GABRG3: variants seen among roughly 807,000 people sequenced by gnomAD.
GABRG3 encodes gamma-aminobutyric acid type A receptor subunit gamma3.
GABRG3 carries 25 observed loss-of-function variants against 48.8 expected under a neutral mutation model. The ratio of observed to expected loss-of-function variants is 0.51; its 90% CI spans 0.37 to 0.72. The LOEUF is 0.72. GABRG3 is among the 30% of genes least tolerant of loss of function. The pLI is 0.00. For missense variants in GABRG3, 394 were observed against 577.9 expected (o/e 0.68, Z 3.26); for synonymous variants, 227 against 217.6 (o/e 1.04, Z -0.38).
At chr15:27,300,830 G>C (rs985010682) in intron 3 of GABRG3, among the ~76,000 whole-genome samples, 1 of 151,962 alleles carries the variant, frequency 6.6e-6, no homozygotes, top group Non-Finnish European at 1.5e-5. Flanking sequence ...TGCTGGGCAC[G>C]GTGGCTCACG....
intron 3 of GABRG3, among the ~76,000 whole-genome samples, chr15:27,144,268 C>T (rs943446283): frequency 2.0e-5 from 3 of 152,174 alleles, no homozygotes; most frequent in Non-Finnish European, 4.4e-5. Context: ...CTCCCCAGCT[C>T]TGAGATATCC....
At chr15:27,271,695 G>A (rs536579405) in intron 3 of GABRG3, 13 of 448,960 alleles carry the variant, frequency 2.9e-5, no homozygotes, top group Admixed American at 1.9e-4. Context: ...GTGTGTGGTG[G>A]CTGGCACAGC....
intron 5 of GABRG3, among the ~76,000 whole-genome samples, chr15:27,358,426 G>C (rs890337016): frequency 3.3e-5 from 5 of 152,072 alleles, no homozygotes; most frequent in Non-Finnish European, 7.4e-5. Context: ...TCTAAGAAAC[G>C]TTATTCCTAT....
At chr15:27,315,692 G>C (rs1023226171) in intron 3 of GABRG3, among the ~76,000 whole-genome samples, 4 of 152,066 alleles carry the variant, frequency 2.6e-5, no homozygotes, top group African/African-American at 9.7e-5. Context: ...ATGAAATCTT[G>C]CACTTTAAAA....
intron 3 of GABRG3, among the ~76,000 whole-genome samples, chr15:27,052,214 T>C (rs1337411120): frequency 6.6e-6 from 1 of 152,112 alleles, no homozygotes; most frequent in Non-Finnish European, 1.5e-5. Context: ...CCCCATGAAA[T>C]TTCTGGTGGG....
intron 4 of GABRG3, 64 bp downstream of exon 4, chr15:27,327,093 T>G: frequency 7.3e-7 from 1 of 1,369,278 alleles, no homozygotes; most frequent in Non-Finnish European, 1.0e-6. Flanking sequence ...TTTGAATCAC[T>G]GTAGGAATGA....
intron 2 of GABRG3, among the ~76,000 whole-genome samples, chr15:27,003,866 C>A (rs1895513968): frequency 7.0e-6 from 1 of 142,558 alleles, no homozygotes; most frequent in African/African-American, 2.6e-5. Flanking sequence ...GACCCCCCCA[C>A]CTCCCTCCCA....
intron 3 of GABRG3, among the ~76,000 whole-genome samples, chr15:27,209,411 A>G (rs932461554): frequency 7.3e-6 from 1 of 136,072 alleles, no homozygotes; most frequent in Admixed American, 7.8e-5. Context: ...TTTTTTTGAG[A>G]TGGACTCTTC....
intron 3 of GABRG3, among the ~76,000 whole-genome samples, chr15:27,109,836 C>G (rs775731359): frequency 5.9e-5 from 9 of 152,082 alleles, no homozygotes; most frequent in Admixed American, 1.3e-4. Flanking sequence ...GAGTGGAGAT[C>G]GCGCCACTGC....
chr15:27,517,348 G>A (rs1316933600), intron 6 of GABRG3, among the ~76,000 whole-genome samples: 1 of 152,172 alleles, frequency 6.6e-6, no homozygotes, highest in Non-Finnish European at 1.5e-5. Flanking sequence ...GACTTTCACT[G>A]GTGCTACTGC....
chr15:27,341,085 C>A, intron 5 of GABRG3: 1 of 393,030 alleles, frequency 2.5e-6, no homozygotes, highest in Non-Finnish European at 5.1e-6. Flanking sequence ...GCCAGGTCAG[C>A]AACTCTTCCG....
At chr15:27,367,306 A>T (rs1895240749) in intron 5 of GABRG3, among the ~76,000 whole-genome samples, 1 of 152,168 alleles carries the variant, frequency 6.6e-6, no homozygotes, top group African/African-American at 2.4e-5. Flanking sequence ...CTCCTCCTTC[A>T]TCCCTAGGCC....
At chr15:27,445,852 T>G (rs1888928217) in intron 5 of GABRG3, among the ~76,000 whole-genome samples, 1 of 152,222 alleles carries the variant, frequency 6.6e-6, no homozygotes, top group African/African-American at 2.4e-5. Context: ...TTTCATTCTT[T>G]TTAGCATGTG....
At chr15:27,392,962 A>G (rs1364658235) in intron 5 of GABRG3, among the ~76,000 whole-genome samples, 2 of 152,170 alleles carry the variant, frequency 1.3e-5, no homozygotes, top group African/African-American at 2.4e-5. Context: ...ATTTCAAGAT[A>G]TTCCACACTT....
At chr15:27,441,079 G>A (rs1888769591) in intron 5 of GABRG3, among the ~76,000 whole-genome samples, 1 of 152,084 alleles carries the variant, frequency 6.6e-6, no homozygotes. Flanking sequence ...AAAGATCAAG[G>A]GGTTGTTGTT....
At chr15:27,247,923 G>T (rs1228113346) in intron 3 of GABRG3, among the ~76,000 whole-genome samples, 2 of 152,196 alleles carry the variant, frequency 1.3e-5, no homozygotes, top group Non-Finnish European at 2.9e-5. Context: ...AATTATGGGA[G>T]CCACAATTGA....
At chr15:27,038,732 G>A (rs1313980838) in intron 3 of GABRG3, among the ~76,000 whole-genome samples, 1 of 152,216 alleles carries the variant, frequency 6.6e-6, no homozygotes, top group Non-Finnish European at 1.5e-5. Flanking sequence ...AGGGGTGCAG[G>A]GAGCCCCGCC....
At chr15:27,267,742 G>C (rs1890965604) in intron 3 of GABRG3, among the ~76,000 whole-genome samples, 1 of 152,122 alleles carries the variant, frequency 6.6e-6, no homozygotes, top group Admixed American at 6.5e-5. Flanking sequence ...CACAAAAATA[G>C]ATGAATTTTG....
At chr15:27,150,328 T>C (rs1324593894) in intron 3 of GABRG3, among the ~76,000 whole-genome samples, 1 of 152,236 alleles carries the variant, frequency 6.6e-6, no homozygotes, top group Non-Finnish European at 1.5e-5. Flanking sequence ...CTTATTGTGC[T>C]TGTGTAATGT....
Sources: gnomAD v4.1 joint callset for allele counts (sites outside exome capture counted in the v4.1 genomes callset) on GRCh38, gnomAD v4.1.1 for gene constraint, MANE v1.5 for transcripts, NCBI Gene and HGNC (gene_info 2026-07-23, HGNC 2026-07-21) for gene names.